The following ZNF850 variants were observed in gnomAD, a reference collection of about 807,000 sequenced individuals.
ZNF850 encodes zinc finger protein 850.
ZNF850 carries 2 observed loss-of-function variants against 11.9 expected under a neutral mutation model. The ratio of observed to expected loss-of-function variants is 0.17; its 90% CI spans 0.07 to 0.53. The LOEUF (loss-of-function observed/expected upper bound fraction) is 0.53. Among genes scored for constraint, ZNF850 ranks in the 20% least tolerant of loss-of-function variants. The pLI, the probability that ZNF850 is intolerant of heterozygous loss-of-function variation, is 0.94. For synonymous variants in ZNF850, 381 were observed against 443.0 expected, an observed-to-expected ratio of 0.86 and a Z score of 1.76; for missense variants, 1,014 against 1,316.4, an observed-to-expected ratio of 0.77 and a Z score of 3.55.
chr19:36,757,825 CCT>C (rs1458371338), intron 4 of ZNF850, among the ~76,000 whole-genome samples: 4 of 151,692 alleles, frequency 2.6e-5, no homozygotes, highest in Non-Finnish European at 5.9e-5. Context: ...CTGCGCCCAG[CCT>C]CTTTTTCTTT....
chr19:36,767,994 C>T (rs2040558598), intron 1 of ZNF850, among the ~76,000 whole-genome samples: 1 of 152,210 alleles, frequency 6.6e-6, no homozygotes. Context: ...AGCACAGTGG[C>T]TTACGCCTAT....
chr19:36,761,572 AC>A, intron 4 of ZNF850, 70 bp downstream of exon 4: 1 of 830,418 alleles, frequency 1.2e-6, no homozygotes, highest in Non-Finnish European at 1.9e-6. Context: ...CAATACCTGT[AC>A]GGTGCTGCCT....
intron 4 of ZNF850, among the ~76,000 whole-genome samples, chr19:36,753,274 A>AGG (rs1568735169): frequency 1.3e-5 from 2 of 148,276 alleles, no homozygotes; most frequent in Admixed American, 1.3e-4. Context: ...ATCTCAGGAA[A>AGG]AAAAAAAAAA....
intron 4 of ZNF850, among the ~76,000 whole-genome samples, chr19:36,751,698 C>CAAAAAAAAAAAAAAA (rs398038336): frequency 6.3e-5 from 1 of 15,762 alleles, no homozygotes. Context: ...GACTCCATCT[C>CAAAAAAAAAAAAAAA]AAAAAAAAAA....
rs1299603333 is a variant in ZNF850, at chr19:36,764,964, G to A, written c.-69-2289C>T. ...GGCTCCCAAAGTACTGGGATTACAG[G>A]CGTGAGCCACCATGCCCGGGCAACT... On this transcript the variant is annotated intron_variant, in intron 1 of 4. Transcript: ENST00000591344. 3.3e-5 allele frequency among the ~76,000 whole-genome samples: 5 copies of A among 152,104 alleles called. No individual in the cohort carries two copies. In the East Asian group the frequency reaches 9.6e-4, roughly 29 times the overall value.
intron 1 of ZNF850, among the ~76,000 whole-genome samples, chr19:36,767,643 C>T (rs1350552501): frequency 2.0e-5 from 3 of 152,002 alleles, no homozygotes; most frequent in Non-Finnish European, 2.9e-5. Flanking sequence ...GCAGGAGAAT[C>T]GCTTGAACCT....
chr19:36,767,400 T>C (rs1600617081), intron 1 of ZNF850, among the ~76,000 whole-genome samples: 1 of 150,840 alleles, frequency 6.6e-6, no homozygotes, highest in Non-Finnish European at 1.5e-5. Context: ...CTAGTAAAAA[T>C]ACAAAAATTA....
Position 36,747,751 on chromosome 19 carries a change from C to T in ZNF850, c.*16G>A. 1 of 1,476,768 alleles carries T rather than the reference C, an allele frequency of 6.8e-7. No homozygotes were observed. The highest frequency in any genetic ancestry group is 9.0e-7 in the Non-Finnish European group (1 of 1,117,116). The allele number at this position is 1,476,768 out of a possible 1,614,324, so 91.5% of individuals were successfully genotyped here. On this transcript the variant is annotated 3_prime_UTR_variant, in exon 5 of 5. Transcript: ENST00000591344. ...TGATCCATGACAAATGGCATGAGAACAGTTTCCTACATTAATTATGTTAGG... is the reference window on the plus strand; with the variant it reads ...TGATCCATGACAAATGGCATGAGAATAGTTTCCTACATTAATTATGTTAGG...
chr19:36,754,064 G>A (rs2040470549), intron 4 of ZNF850, among the ~76,000 whole-genome samples: 1 of 151,790 alleles, frequency 6.6e-6, no homozygotes, highest in Non-Finnish European at 1.5e-5. Context: ...AGCTACTCGG[G>A]AGGCTGAGGT....
Position 36,745,390 on chromosome 19 carries a change from CAT to C in ZNF850, c.*2375_*2376del, listed in dbSNP as rs2040405995. The C allele has an allele frequency of 1.3e-5, 2 of 152,060 alleles. No individual in the cohort carries two copies. The highest frequency in any genetic ancestry group is 1.3e-4 in the Admixed American group (2 of 15,268). The allele number at this position is 152,060 out of a possible 1,614,324, so 9.4% of individuals were successfully genotyped here. ...TAATTTACATATAATAAAATGCAAC[CAT>C]ATGTCTACATTCATGCAAATACCAC... On this transcript the variant is annotated 3_prime_UTR_variant, in exon 5 of 5. Coordinates refer to ENST00000591344, the MANE Select transcript of ZNF850 (RefSeq NM_001193552.2).
intron 1 of ZNF850, among the ~76,000 whole-genome samples, chr19:36,766,828 T>C (rs527936189): frequency 2.6e-5 from 4 of 152,320 alleles, no homozygotes; most frequent in South Asian, 2.1e-4. Context: ...TTTGGCCATG[T>C]GTGGTGGCTC....
intron 1 of ZNF850, among the ~76,000 whole-genome samples, chr19:36,766,733 A>G (rs978912802): frequency 1.3e-5 from 2 of 152,156 alleles, no homozygotes; most frequent in Non-Finnish European, 2.9e-5. Flanking sequence ...CTAAACGCTA[A>G]TCTATTTGAA....
chr19:36,770,703 C>CAAAAAAAAAAAAAAAAAAAAAA (rs567709722), intron 1 of ZNF850, among the ~76,000 whole-genome samples: 1 of 66,610 alleles, frequency 1.5e-5, no homozygotes, highest in Non-Finnish European at 3.1e-5. Context: ...GAGACTCCAT[C>CAAAAAAAAAAAAAAAAAAAAAA]AAAAAAAAAA....
chr19:36,763,158 T>C (rs1338910349), intron 1 of ZNF850, among the ~76,000 whole-genome samples: 1 of 152,100 alleles, frequency 6.6e-6, no homozygotes, highest in Non-Finnish European at 1.5e-5. Context: ...CCCAAAGTGC[T>C]GGGATTACAG....
chr19:36,762,216 C>T, intron 3 of ZNF850, 89 bp downstream of exon 3: 2 of 1,176,534 alleles, frequency 1.7e-6, no homozygotes, highest in South Asian at 1.8e-5. Context: ...AAACACAAAA[C>T]AATTCCCTAG....
chr19:36,751,698 C>CAAAAAA (rs398038336), intron 4 of ZNF850, among the ~76,000 whole-genome samples: 1 of 15,770 alleles, frequency 6.3e-5, no homozygotes, highest in African/African-American at 2.6e-4. Context: ...GACTCCATCT[C>CAAAAAA]AAAAAAAAAA....
chr19:36,757,503 CT>C (rs57226971), intron 4 of ZNF850, among the ~76,000 whole-genome samples: 45,664 of 97,346 alleles, frequency 0.47, 9,163 homozygotes, highest in Middle Eastern at 0.54. Context: ...AATATAGTTT[CT>C]TTTTTTTTTT....
intron 4 of ZNF850, among the ~76,000 whole-genome samples, chr19:36,755,537 G>A (rs558616381): frequency 7.9e-5 from 12 of 151,978 alleles, no homozygotes; most frequent in Admixed American, 7.2e-4. Flanking sequence ...TTACTTTGAT[G>A]CTAAGTGATG....
chr19:36,762,451 C>T lies in ZNF850; in HGVS notation c.13-20G>A. On this transcript the variant is annotated intron_variant, in intron 2 of 4. Coordinates refer to ENST00000591344, the MANE Select transcript of ZNF850 (RefSeq NM_001193552.2). ...CAACCCCTGAAATGACAAACCCATG[C>T]AGCGCTGTTGAAATTAAAGGAAAGG... 8 of 1,543,282 alleles carry T rather than the reference C, an allele frequency of 5.2e-6. No individual in the cohort carries two copies. The highest frequency in any genetic ancestry group is 6.9e-6 in the Non-Finnish European group (8 of 1,151,108).
Sources: gnomAD v4.1 joint callset for allele counts (sites outside exome capture counted in the v4.1 genomes callset) on GRCh38, gnomAD v4.1.1 for gene constraint, MANE v1.5 for transcripts, NCBI Gene and HGNC (gene_info 2026-07-23, HGNC 2026-07-21) for gene names.